The following NLGN3 variants were observed in gnomAD, a reference collection of about 807,000 sequenced individuals.
NLGN3 encodes the protein neuroligin-3.
Under a neutral mutation model 42.9 loss-of-function variants are expected in NLGN3, and 11 were observed. The observed-to-expected ratio is 0.26, with a 90% confidence interval of 0.16 to 0.42. The LOEUF is 0.42. Ranked by LOEUF, NLGN3 falls within the 10% of genes least tolerant of loss-of-function variation. NLGN3 has a pLI of 1.00. For synonymous variants in NLGN3, 279 were observed against 312.7 expected (o/e 0.89, Z 1.14); for missense variants, 374 against 733.8 (o/e 0.51, Z 5.67).
Position 71,170,662 on chromosome X carries a change from C to G in NLGN3, c.*565C>G. On this transcript the variant is annotated 3_prime_UTR_variant, in exon 8 of 8. Transcript: ENST00000358741. ...GAGGGCTTCAGGCCCGAAGGTCTCT[C>G]TGGCTCTAGGACCCCCAGTGCTCAC... 1.3e-6 allele frequency: 1 copy of G among 770,454 alleles called. No homozygotes were observed. The highest frequency in any genetic ancestry group is 1.5e-6 in the Non-Finnish European group (1 of 648,398). The allele number at this position is 770,454 out of a possible 1,213,427, so 63.5% of individuals were successfully genotyped here. A position where few individuals can be genotyped will look rare whatever the true frequency, so the allele number is the denominator to read the frequency against.
chrX:71,158,376 C>T (rs1427978335), intron 5 of NLGN3, among the ~76,000 whole-genome samples: 1 of 112,198 alleles, frequency 8.9e-6, no homozygotes, highest in Non-Finnish European at 1.9e-5. Flanking sequence ...TGAGCCACCG[C>T]GCCCGGCTGG....
At chrX:71,154,951 GGCCTGGCTGTATCACAT>G (rs1276389725) in intron 4 of NLGN3, among the ~76,000 whole-genome samples, 2 of 112,631 alleles carry the variant, frequency 1.8e-5, no homozygotes, top group Non-Finnish European at 3.8e-5. Flanking sequence ...GGCCCACTGA[GGCCTGGCTGTATCACAT>G]GCCTGGCTGC....
intron 7 of NLGN3, among the ~76,000 whole-genome samples, chrX:71,168,765 GAGAA>G (rs2092455917): frequency 3.7e-5 from 3 of 81,427 alleles, no homozygotes; most frequent in South Asian, 6.3e-4. Context: ...AAGAGAGAGA[GAGAA>G]AGAAAAAGGG....
intron 3 of NLGN3, among the ~76,000 whole-genome samples, chrX:71,152,259 A>G (rs973742432): frequency 6.3e-5 from 7 of 110,996 alleles, no homozygotes; most frequent in Admixed American, 4.8e-4. Flanking sequence ...TAGCCTCCTT[A>G]GAACAGGAAG....
chrX:71,150,717 A>G (rs1205039506), intron 3 of NLGN3, among the ~76,000 whole-genome samples: 2 of 107,360 alleles, frequency 1.9e-5, no homozygotes, highest in Middle Eastern at 4.7e-3. Flanking sequence ...AAAAAAAAAA[A>G]AAAAAGAAAG....
At chrX:71,148,298 G>A in intron 2 of NLGN3, 92 bp downstream of exon 2, 2 of 716,250 alleles carry the variant, frequency 2.8e-6, no homozygotes. Flanking sequence ...CCTGCAGCAT[G>A]CATCTGTCTG....
Position 71,169,804 on chromosome X carries a change from G to A in NLGN3, c.2254G>A (p.Ala752Thr), listed in dbSNP as rs989186039. 8.3e-7 allele frequency: 1 copy of A among 1,206,254 alleles called. No homozygotes were observed. Among genetic ancestry groups the A allele is most frequent in the African/African-American group, 1.8e-5 (1 of 57,125 alleles). Residue 752 changes from alanine to threonine, a missense_variant, in exon 8 of 8, where the codon GCC becomes ACC. Ala to Thr is a moderately conservative substitution (Grantham distance 58). Transcript: ENST00000358741. ...RQPSPQRGAG[A>T]PELGAAPEEE... ...GCCTAGCCCTCAGCGGGGAGCCGGGGCCCCGGAGTTGGGAGCTGCTCCAGA... is the reference window on the plus strand; with the variant it reads ...GCCTAGCCCTCAGCGGGGAGCCGGGACCCCGGAGTTGGGAGCTGCTCCAGA...
downstream of NLGN3, among the ~76,000 whole-genome samples, chrX:71,174,246 C>T (rs1361233136): frequency 9.0e-6 from 1 of 111,730 alleles, no homozygotes; most frequent in Non-Finnish European, 1.9e-5. Flanking sequence ...CGTAAGCTGC[C>T]TTGAGTAACT....
intron 5 of NLGN3, among the ~76,000 whole-genome samples, chrX:71,159,870 G>A (rs1383198860): frequency 1.9e-5 from 2 of 103,801 alleles, no homozygotes; most frequent in Admixed American, 1.1e-4. Flanking sequence ...GATTACAGGC[G>A]CGCACCACCA....
intron 5 of NLGN3, among the ~76,000 whole-genome samples, chrX:71,158,365 G>A (rs1602321875): frequency 8.9e-6 from 1 of 112,206 alleles, no homozygotes; most frequent in Non-Finnish European, 1.9e-5. Flanking sequence ...GATTACAGGC[G>A]TGAGCCACCG....
At chrX:71,156,791 T>G (rs1468545687) in intron 5 of NLGN3, among the ~76,000 whole-genome samples, 1 of 111,296 alleles carries the variant, frequency 9.0e-6, no homozygotes, top group African/African-American at 3.3e-5. Context: ...CATACTCCCA[T>G]GCATATGCAC....
At chrX:71,160,744 C>T (rs971760542) in intron 5 of NLGN3, among the ~76,000 whole-genome samples, 29 of 112,425 alleles carry the variant, frequency 2.6e-4, no homozygotes, top group African/African-American at 8.7e-4. Flanking sequence ...GAATTGAATC[C>T]TACATGCTTG....
chrX:71,168,839 AAG>A (rs2092458240), intron 7 of NLGN3, among the ~76,000 whole-genome samples: 2 of 88,013 alleles, frequency 2.3e-5, no homozygotes, highest in African/African-American at 1.2e-4. Context: ...GAAAGAAAGA[AAG>A]AAAGAAAGAA....
At chrX:71,153,980 G>A (rs1418187665) in intron 4 of NLGN3, among the ~76,000 whole-genome samples, 1 of 111,751 alleles carries the variant, frequency 8.9e-6, no homozygotes, top group Non-Finnish European at 1.9e-5. Context: ...GGGCCCCGCA[G>A]GATGGTGAAC....
chrX:71,153,462 G>A lies in NLGN3; in HGVS notation c.518-15G>A, dbSNP rs771781705. 14 of 1,202,234 alleles carry A rather than the reference G, an allele frequency of 1.2e-5. No homozygotes were observed. The highest frequency in any genetic ancestry group is 1.1e-4 in the Admixed American group (5 of 45,189). ...CTGTTCTGTGCTGTTGTGTCTCCCC[G>A]TGTCTGGTCCCCAGGATCCGGCGCT... On this transcript the variant is annotated splice_polypyrimidine_tract_variant and intron_variant, in intron 3 of 7. Coordinates refer to ENST00000358741, the MANE Select transcript of NLGN3 (RefSeq NM_181303.2).
In NLGN3 at chrX:71,169,911, T is replaced by C. The variant is rs1450837219; in HGVS notation, c.2361T>C (p.Thr787=). 1 of 1,199,091 alleles carries C rather than the reference T, an allele frequency of 8.3e-7. No individual in the cohort carries two copies. Among genetic ancestry groups the C allele is most frequent in the East Asian group, 3.0e-5 (1 of 32,985 alleles). ...CCCCCCATGACACGCTGCGCCTCAC[T>C]GCATTGCCCGACTACACCCTGACCC... is the stretch of plus-strand genomic sequence containing the variant. ...AGPPHDTLRL[T]ALPDYTLTLR... The change falls in exon 8 of 8, where the codon ACT becomes ACC. Residue 787 remains threonine, a synonymous_variant. Transcript: ENST00000358741.
intron 6 of NLGN3, among the ~76,000 whole-genome samples, chrX:71,166,480 T>A (rs2092447814): frequency 9.2e-6 from 1 of 108,322 alleles, no homozygotes; most frequent in Non-Finnish European, 1.9e-5. Flanking sequence ...AAACAAAGTA[T>A]CAGTGGAGAC....
At chrX:71,164,664 T>C (rs1296228670) in intron 6 of NLGN3, among the ~76,000 whole-genome samples, 1 of 111,726 alleles carries the variant, frequency 9.0e-6, no homozygotes, top group South Asian at 3.7e-4. Flanking sequence ...GGGAAGGACA[T>C]GTTACTTCAC....
At chrX:71,157,531 C>T (rs996439797) in intron 5 of NLGN3, among the ~76,000 whole-genome samples, 9 of 110,058 alleles carry the variant, frequency 8.2e-5, no homozygotes, top group Non-Finnish European at 1.5e-4. Flanking sequence ...ACCATGTTGG[C>T]CAGGCTGGTC....
Sources: gnomAD v4.1 joint callset for allele counts (sites outside exome capture counted in the v4.1 genomes callset) on GRCh38, gnomAD v4.1.1 for gene constraint, MANE v1.5 for transcripts, NCBI Gene and HGNC (gene_info 2026-07-23, HGNC 2026-07-21) for gene names.